The following AKT3 variants were observed in gnomAD, a reference collection of about 807,000 sequenced individuals.
The protein encoded by AKT3 is RAC-gamma serine/threonine-protein kinase.
AKT3 carries 15 observed loss-of-function variants against 65.3 expected under a neutral mutation model. The ratio of observed to expected loss-of-function variants is 0.23; its 90% CI spans 0.15 to 0.35. The LOEUF is 0.35. AKT3 is among the 10% of genes least tolerant of loss of function. The pLI is 1.00. For synonymous variants in AKT3, 206 were observed against 183.8 expected (o/e 1.12, Z -0.98); for missense variants, 243 against 576.5 (o/e 0.42, Z 5.92).
chr1:243,659,867 A>G (rs1682142984), intron 4 of AKT3, among the ~76,000 whole-genome samples: 1 of 152,218 alleles, frequency 6.6e-6, no homozygotes, highest in African/African-American at 2.4e-5. Flanking sequence ...CTAAAGTCAT[A>G]TAGATTCAGT....
intron 2 of AKT3, among the ~76,000 whole-genome samples, chr1:243,715,255 A>G (rs548333772): frequency 6.6e-6 from 1 of 152,152 alleles, no homozygotes; most frequent in South Asian, 2.1e-4. Flanking sequence ...TCTACAATAA[A>G]TCTCCATTTT....
chr1:243,638,250 C>T (rs1038290704), intron 5 of AKT3, among the ~76,000 whole-genome samples: 1 of 152,138 alleles, frequency 6.6e-6, no homozygotes, highest in African/African-American at 2.4e-5. Flanking sequence ...ACCTCGTATA[C>T]TTCAGTTAAA....
At chr1:243,692,012 G>T (rs1379458807) in intron 3 of AKT3, among the ~76,000 whole-genome samples, 1 of 152,208 alleles carries the variant, frequency 6.6e-6, no homozygotes, top group Non-Finnish European at 1.5e-5. Flanking sequence ...TGGTCAAAAA[G>T]GAGATGGTGA....
chr1:243,805,290 G>T (rs1692654254), intron 2 of AKT3, among the ~76,000 whole-genome samples: 1 of 151,914 alleles, frequency 6.6e-6, no homozygotes, highest in Non-Finnish European at 1.5e-5. Flanking sequence ...TCCTTTCAAA[G>T]ATTAACCCCA....
chr1:243,690,559 T>C (rs1684623860), intron 3 of AKT3, among the ~76,000 whole-genome samples: 1 of 152,180 alleles, frequency 6.6e-6, no homozygotes, highest in Non-Finnish European at 1.5e-5. Flanking sequence ...ATATTAATAG[T>C]TCTTATGTGA....
intron 5 of AKT3, among the ~76,000 whole-genome samples, chr1:243,642,545 G>T (rs58320632): frequency 1.9e-4 from 29 of 152,172 alleles, no homozygotes; most frequent in Non-Finnish European, 3.8e-4. Flanking sequence ...TCCTGACCTT[G>T]TGATCCGCCC....
At chr1:243,670,011 G>A (rs1482312267) in intron 3 of AKT3, among the ~76,000 whole-genome samples, 1 of 152,074 alleles carries the variant, frequency 6.6e-6, no homozygotes, top group Non-Finnish European at 1.5e-5. Flanking sequence ...AAAATGAGTA[G>A]GAAACTCTAT....
chr1:243,499,700 C>CAAAT (rs766658191), downstream of AKT3: 12 of 1,368,592 alleles, frequency 8.8e-6, no homozygotes, highest in African/African-American at 4.3e-5. Context: ...AATGAGAAGA[C>CAAAT]AAATAACATT....
intron 3 of AKT3, among the ~76,000 whole-genome samples, chr1:243,686,195 G>A (rs1684277979): frequency 6.6e-6 from 1 of 152,058 alleles, no homozygotes. Context: ...GTAATTTATA[G>A]GTTCAATGCT....
In AKT3 at chr1:243,505,025, A is replaced by C; in HGVS notation, c.*224T>G. On this transcript the variant is annotated 3_prime_UTR_variant, in exon 14 of 14. Transcript: ENST00000673466. ...AAGACAGTAGCAGCAACAGCATGAG[A>C]CCTTAGACTGAGATACAATTTCATG... The C allele has an allele frequency of 1.9e-6, 1 of 536,398 alleles. No individual in the cohort carries two copies. The highest frequency in any genetic ancestry group is 3.3e-6 in the Non-Finnish European group (1 of 302,922). The allele number at this position is 536,398 out of a possible 1,614,324, so 33.2% of individuals were successfully genotyped here. A position where few individuals can be genotyped will look rare whatever the true frequency, so the allele number is the denominator to read the frequency against.
At chr1:243,768,122 C>A (rs192711259) in intron 2 of AKT3, among the ~76,000 whole-genome samples, 8 of 150,564 alleles carry the variant, frequency 5.3e-5, no homozygotes, top group African/African-American at 1.9e-4. Context: ...AAAATAAATG[C>A]CCTGTTTTCC....
intron 8 of AKT3, among the ~76,000 whole-genome samples, chr1:243,587,285 C>T (rs1352323447): frequency 1.3e-5 from 2 of 152,096 alleles, no homozygotes; most frequent in African/African-American, 2.4e-5. Context: ...TTTTAAAGTT[C>T]GGTAGTTGCT....
chr1:243,785,357 C>T (rs1004447532), intron 2 of AKT3, among the ~76,000 whole-genome samples: 2 of 151,832 alleles, frequency 1.3e-5, no homozygotes, highest in East Asian at 1.9e-4. Flanking sequence ...GGATTACAGG[C>T]GTGAGCCACC....
At chr1:243,598,009 ATAAT>A (rs1366408487) in intron 8 of AKT3, among the ~76,000 whole-genome samples, 8 of 152,240 alleles carry the variant, frequency 5.3e-5, no homozygotes, top group African/African-American at 1.9e-4. Flanking sequence ...AAATGTACTA[ATAAT>A]TAATGTACTG....
At chr1:243,602,326 T>C (rs1677071845) in intron 8 of AKT3, among the ~76,000 whole-genome samples, 1 of 152,138 alleles carries the variant, frequency 6.6e-6, no homozygotes, top group Admixed American at 6.6e-5. Flanking sequence ...TGAAAAAGCA[T>C]TGGGTGAAAA....
At chr1:243,581,062 C>T (rs183492241) in intron 8 of AKT3, among the ~76,000 whole-genome samples, 15 of 152,282 alleles carry the variant, frequency 9.9e-5, no homozygotes, top group Admixed American at 2.0e-4. Flanking sequence ...AAGTTTAGAC[C>T]ATCCCCTATC....
chr1:243,556,259 A>G (rs1673399252), intron 10 of AKT3, among the ~76,000 whole-genome samples: 1 of 152,198 alleles, frequency 6.6e-6, no homozygotes, highest in Non-Finnish European at 1.5e-5. Flanking sequence ...CAGCCAGGTG[A>G]GTTAAAACAC....
chr1:243,796,788 GTT>G (rs1692043362), intron 2 of AKT3, among the ~76,000 whole-genome samples: 1 of 152,096 alleles, frequency 6.6e-6, no homozygotes, highest in East Asian at 1.9e-4. Context: ...ATTATGGAGT[GTT>G]ATTTAGCCTT....
chr1:243,686,654 T>TA (rs1558719661), intron 3 of AKT3, among the ~76,000 whole-genome samples: 9 of 32,250 alleles, frequency 2.8e-4, no homozygotes, highest in Non-Finnish European at 4.8e-4. Context: ...TATATATATT[T>TA]TTTTTTTTTT....
Sources: allele counts gnomAD v4.1 joint callset (sites outside exome capture counted in the v4.1 genomes callset), GRCh38; gene constraint gnomAD v4.1.1; transcripts MANE v1.5; gene names NCBI Gene and HGNC (gene_info 2026-07-23, HGNC 2026-07-21).